Variants in ZNF600 observed in about 807,000 individuals in gnomAD.
The protein encoded by ZNF600 is zinc finger protein KR-ZNF1.
ZNF600 carries 4 observed loss-of-function variants against 7.3 expected under a neutral mutation model. The ratio of observed to expected loss-of-function variants is 0.55; its 90% CI spans 0.27 to 1.25. The LOEUF is 1.25. ZNF600 is among the 50% of genes most tolerant of loss of function. The pLI, the probability that ZNF600 is intolerant of heterozygous loss-of-function variation, is 0.12. For synonymous variants in ZNF600, 290 were observed against 308.9 expected (o/e 0.94, Z 0.64); for missense variants, 911 against 922.1 (o/e 0.99, Z 0.16).
intron 2 of ZNF600, among the ~76,000 whole-genome samples, chr19:52,777,536 G>A (rs778118737): frequency 5.3e-5 from 8 of 151,934 alleles, no homozygotes; most frequent in Non-Finnish European, 7.4e-5. Flanking sequence ...ATAAAAATAC[G>A]ATATAAAAAA....
chr19:52,765,903 G>A (rs749227932), exon 4 of ZNF600: 1 of 1,613,954 alleles, frequency 6.2e-7, no homozygotes, highest in African/African-American at 1.3e-5. Context: ...TTGATTAAAA[G>A]CCTTCCCACA....
chr19:52,826,274 A>G, the ZNF600 span, among the ~76,000 whole-genome samples: 2 of 152,146 alleles, frequency 1.3e-5, no homozygotes, highest in Non-Finnish European at 2.9e-5. Flanking sequence ...TAAGTCATTA[A>G]AAGTGCAGAG....
At chr19:52,812,971 G>A in the ZNF600 span, among the ~76,000 whole-genome samples, 1 of 151,176 alleles carries the variant, frequency 6.6e-6, no homozygotes, top group African/African-American at 2.4e-5. Context: ...TTCAATCCTT[G>A]AGGTTAATGC....
At chr19:52,783,694 CCTT>C (rs1158988833) in intron 1 of ZNF600, among the ~76,000 whole-genome samples, 1 of 152,080 alleles carries the variant, frequency 6.6e-6, no homozygotes, top group Non-Finnish European at 1.5e-5. Context: ...CTCTTTCTCA[CCTT>C]CTCTCTCCAT....
chr19:52,813,479 G>A, the ZNF600 span, among the ~76,000 whole-genome samples: 11 of 121,186 alleles, frequency 9.1e-5, 1 homozygote, highest in Non-Finnish European at 1.6e-4. Flanking sequence ...TAGGCGGGCG[G>A]GGGTGGTAGG....
At chr19:52,765,854 C>T (rs1415835197) in exon 4 of ZNF600, 1 of 1,613,880 alleles carries the variant, frequency 6.2e-7, no homozygotes, top group Non-Finnish European at 8.5e-7. Context: ...AAAGTTTCTC[C>T]CCAGCATGAA....
intron 1 of ZNF600, among the ~76,000 whole-genome samples, chr19:52,780,097 T>C (rs1424972916): frequency 1.3e-5 from 2 of 151,620 alleles, no homozygotes; most frequent in Non-Finnish European, 2.9e-5. Context: ...GCTTCAAGTC[T>C]TCCTGCCTTT....
rs528781940 is a variant in ZNF600, at chr19:52,774,372, T to C, written c.190+203A>G. 7.7e-4 allele frequency among the ~76,000 whole-genome samples: 115 copies of C among 150,264 alleles called. 2 individuals carry two copies. Among genetic ancestry groups the C allele is most frequent in the Non-Finnish European group, 9.9e-4 (67 of 67,812 alleles). On this transcript the variant is annotated intron_variant, in intron 3 of 3. Coordinates refer to ENST00000648973, the Ensembl canonical transcript of ZNF600. Reference sequence around the variant, plus strand: ...TGAACCTGGGAGGCAGAGGTTGCGGTGAGCCAAGATCATACCATTGCTCTC... The same window carrying C: ...TGAACCTGGGAGGCAGAGGTTGCGGCGAGCCAAGATCATACCATTGCTCTC...
chr19:52,800,428 C>T, the ZNF600 span: 2 of 1,613,398 alleles, frequency 1.2e-6, no homozygotes, highest in Non-Finnish European at 8.5e-7. Context: ...AAAACTTTGT[C>T]ACATTCTTCA....
At chr19:52,831,566 G>A in the ZNF600 span, among the ~76,000 whole-genome samples, 90,535 of 150,912 alleles carry the variant, frequency 0.6, 27,792 homozygotes, top group Non-Finnish European at 0.64. Context: ...GCAATGGTGC[G>A]ATCTCGGCTC....
intron 2 of ZNF600, among the ~76,000 whole-genome samples, chr19:52,774,989 T>C (rs574234375): frequency 3.1e-4 from 47 of 152,222 alleles, no homozygotes; most frequent in Non-Finnish European, 4.7e-4. Context: ...CCTGTAATCC[T>C]AACACTTCGG....
chr19:52,787,776 A>T (rs1261581745), upstream of ZNF600, among the ~76,000 whole-genome samples: 1 of 146,182 alleles, frequency 6.8e-6, no homozygotes, highest in Non-Finnish European at 1.5e-5. Context: ...AGGAGAATGG[A>T]GTGAACCCGG....
At chr19:52,817,152 C>G in the ZNF600 span, among the ~76,000 whole-genome samples, 2 of 152,106 alleles carry the variant, frequency 1.3e-5, no homozygotes, top group Non-Finnish European at 2.9e-5. Context: ...GTAGGCGGAT[C>G]GCCTGAGGTC....
chr19:52,780,247 G>C (rs10424328), intron 1 of ZNF600, among the ~76,000 whole-genome samples: 15,490 of 152,150 alleles, frequency 0.1, 1,040 homozygotes, highest in South Asian at 0.19. Flanking sequence ...TAAATTAACT[G>C]AGATCTCTGT....
the ZNF600 span, among the ~76,000 whole-genome samples, chr19:52,826,524 G>A: frequency 1.3e-5 from 2 of 152,064 alleles, no homozygotes; most frequent in African/African-American, 4.8e-5. Context: ...TGGCCAACAA[G>A]GCAAAACCCC....
the ZNF600 span, chr19:52,801,535 C>T: frequency 6.2e-7 from 1 of 1,614,030 alleles, no homozygotes; most frequent in African/African-American, 1.3e-5. Context: ...TTTGTTTCAT[C>T]TTCTTTCCAC....
chr19:52,803,875 T>C, the ZNF600 span, among the ~76,000 whole-genome samples: 35 of 152,078 alleles, frequency 2.3e-4, no homozygotes, highest in Non-Finnish European at 4.4e-4. Flanking sequence ...AGAAAACATT[T>C]GTACCCAGAA....
chr19:52,775,459 AG>A (rs2062666916), intron 2 of ZNF600, among the ~76,000 whole-genome samples: 1 of 151,996 alleles, frequency 6.6e-6, no homozygotes, highest in East Asian at 1.9e-4. Flanking sequence ...CTGAGGCAGG[AG>A]GATCGCATGA....
chr19:52,781,018 A>T (rs1008005394), intron 1 of ZNF600: 1 of 152,290 alleles, frequency 6.6e-6, no homozygotes, highest in African/African-American at 2.4e-5. Context: ...AGCTGAGGAG[A>T]CAACTGGACA....
Sources: gnomAD v4.1 joint callset for allele counts (sites outside exome capture counted in the v4.1 genomes callset) on GRCh38, gnomAD v4.1.1 for gene constraint, MANE v1.5 for transcripts, NCBI Gene and HGNC (gene_info 2026-07-23, HGNC 2026-07-21) for gene names.